PEBP4: variants seen among roughly 807,000 people sequenced by gnomAD.
PEBP4 encodes the protein phosphatidylethanolamine binding protein 4.
In PEBP4, 22 loss-of-function variants were observed where a neutral mutation model predicts 23.9. The ratio of observed to expected loss-of-function variants is 0.92; its 90% CI spans 0.66 to 1.31. PEBP4 has a LOEUF of 1.31. Among genes scored for constraint, PEBP4 ranks in the 40% most tolerant of loss-of-function variants. The probability of loss-of-function intolerance (pLI) is 0.00; values close to 1 mark genes in which losing one functional copy is unlikely to be tolerated. For synonymous variants in PEBP4, 112 were observed against 99.3 expected (o/e 1.13, Z -0.76); for missense variants, 324 against 281.7 (o/e 1.15, Z -1.07).
rs184909770 is a variant in PEBP4, at chr8:22,733,050, G to A, written c.358-5830C>T. On this transcript the variant is annotated intron_variant, in intron 4 of 6. Coordinates refer to ENST00000256404, the MANE Select transcript of PEBP4 (RefSeq NM_144962.3). ...TGGAAGCCAGGGGTCTATCCCCACC[G>A]CTATTGCCTTGCATTTGTAACAGGC... 1.3e-3 allele frequency among the ~76,000 whole-genome samples: 194 copies of A among 152,310 alleles called. 1 individual carries two copies. The highest frequency in any genetic ancestry group is 4.4e-3 in the African/African-American group (182 of 41,562).
chr8:22,780,397 G>A (rs1206572199), intron 4 of PEBP4, among the ~76,000 whole-genome samples: 2 of 152,058 alleles, frequency 1.3e-5, no homozygotes, highest in Non-Finnish European at 2.9e-5. Flanking sequence ...GGAGTAGCTC[G>A]TACCTTGAGG....
At chr8:22,835,173 A>G (rs1411395568) in intron 3 of PEBP4, among the ~76,000 whole-genome samples, 3 of 152,194 alleles carry the variant, frequency 2.0e-5, no homozygotes, top group African/African-American at 4.8e-5. Context: ...TCACTAAGGT[A>G]TAGTTTACTG....
At chr8:22,726,513 T>G (rs1804625828) in intron 5 of PEBP4, among the ~76,000 whole-genome samples, 1 of 152,230 alleles carries the variant, frequency 6.6e-6, no homozygotes. Flanking sequence ...GAATCCCCTC[T>G]TCAAAACCTC....
intron 3 of PEBP4, among the ~76,000 whole-genome samples, chr8:22,823,398 T>C (rs1320575476): frequency 6.6e-6 from 1 of 151,954 alleles, no homozygotes; most frequent in Non-Finnish European, 1.5e-5. Flanking sequence ...TAATATTAAA[T>C]TTATGCAATG....
chr8:22,917,415 T>C (rs1210231829), intron 3 of PEBP4, among the ~76,000 whole-genome samples: 6 of 152,074 alleles, frequency 3.9e-5, no homozygotes, highest in Non-Finnish European at 8.8e-5. Context: ...GAACTATCCT[T>C]CCTGCCCACC....
At chr8:22,863,998 C>G (rs777222549) in intron 3 of PEBP4, among the ~76,000 whole-genome samples, 1 of 152,320 alleles carries the variant, frequency 6.6e-6, no homozygotes, top group Non-Finnish European at 1.5e-5. Context: ...ATCAAGCCTA[C>G]CCTCCTCACA....
chr8:22,859,174 C>T (rs375701072), intron 3 of PEBP4, among the ~76,000 whole-genome samples: 9 of 152,296 alleles, frequency 5.9e-5, no homozygotes, highest in East Asian at 3.9e-4. Context: ...AAGCAAACTA[C>T]GGCAGCACCT....
intron 4 of PEBP4, among the ~76,000 whole-genome samples, chr8:22,732,080 G>C (rs1355673505): frequency 6.6e-6 from 1 of 152,102 alleles, no homozygotes; most frequent in Non-Finnish European, 1.5e-5. Flanking sequence ...GCCCAGGATG[G>C]GTTTTTCAGG....
At chr8:22,835,694 T>C (rs1807189048) in intron 3 of PEBP4, among the ~76,000 whole-genome samples, 1 of 152,262 alleles carries the variant, frequency 6.6e-6, no homozygotes, top group East Asian at 1.9e-4. Context: ...ATGCAGTTCA[T>C]TCTGGTACAG....
At chr8:22,837,447 C>T (rs114679126) in intron 3 of PEBP4, among the ~76,000 whole-genome samples, 462 of 152,302 alleles carry the variant, frequency 3.0e-3, no homozygotes, top group African/African-American at 0.011. Flanking sequence ...GTAGAATTGG[C>T]GTTTGCAAGC....
intron 3 of PEBP4, among the ~76,000 whole-genome samples, chr8:22,835,868 C>T (rs1807195812): frequency 6.6e-6 from 1 of 152,258 alleles, no homozygotes; most frequent in South Asian, 2.1e-4. Context: ...ACCGGCTCTT[C>T]AGGCAAAAGG....
intron 4 of PEBP4, among the ~76,000 whole-genome samples, chr8:22,807,639 A>C (rs1806525896): frequency 6.6e-6 from 1 of 152,078 alleles, no homozygotes; most frequent in African/African-American, 2.4e-5. Flanking sequence ...TCAAATGTTG[A>C]GCTTTTAATT....
chr8:22,749,850 A>G (rs1805214397), intron 4 of PEBP4, among the ~76,000 whole-genome samples: 2 of 112,292 alleles, frequency 1.8e-5, no homozygotes, highest in Admixed American at 2.6e-4. Flanking sequence ...CTTGTTGCCC[A>G]GCCTGGAATG....
chr8:22,854,582 G>A (rs988534117), intron 3 of PEBP4, among the ~76,000 whole-genome samples: 1 of 152,154 alleles, frequency 6.6e-6, no homozygotes, highest in Non-Finnish European at 1.5e-5. Flanking sequence ...GGCAATGAGG[G>A]AGCAAAGGAG....
At chr8:22,902,185 C>T (rs957112106) in intron 3 of PEBP4, among the ~76,000 whole-genome samples, 8 of 151,956 alleles carry the variant, frequency 5.3e-5, no homozygotes, top group East Asian at 1.9e-4. Flanking sequence ...AAAAATTAGC[C>T]GGGCTTGGTG....
chr8:22,910,397 T>C (rs1440557884), intron 3 of PEBP4, among the ~76,000 whole-genome samples: 2 of 152,250 alleles, frequency 1.3e-5, no homozygotes, highest in Non-Finnish European at 2.9e-5. Flanking sequence ...CTTGCTGGTC[T>C]CCCAAGCATA....
chr8:22,750,919 A>G (rs754508418), intron 4 of PEBP4, among the ~76,000 whole-genome samples: 1 of 152,184 alleles, frequency 6.6e-6, no homozygotes, highest in Non-Finnish European at 1.5e-5. Flanking sequence ...AGATGCATGG[A>G]TAGGGGGAGA....
At chr8:22,729,044 C>A (rs907679129) in intron 4 of PEBP4, among the ~76,000 whole-genome samples, 12 of 152,238 alleles carry the variant, frequency 7.9e-5, no homozygotes, top group Admixed American at 2.6e-4. Flanking sequence ...GCACAGTCCC[C>A]CAACTCCCCG....
rs77785635 is a variant in PEBP4 at position 22,798,657 on chromosome 8, T to G, written c.357+18980A>C. The G allele has an allele frequency of 9.8e-3, 1,490 of 152,216 alleles. 25 individuals carry two copies. Among genetic ancestry groups the G allele is most frequent in the South Asian group, 0.067 (319 of 4,768 alleles). 9.4% of individuals were successfully genotyped at this position (152,216 alleles called of 1,614,324 possible). A position where few individuals can be genotyped will look rare whatever the true frequency, so the allele number is the denominator to read the frequency against. On this transcript the variant is annotated intron_variant, in intron 4 of 6. Transcript: ENST00000256404. ...CTCGGGAACCGTGAGTAATAAACTT[T>G]CTTCAATGGCATTGATCTCCCTGTG...
Sources: allele counts gnomAD v4.1 joint callset (sites outside exome capture counted in the v4.1 genomes callset), GRCh38; gene constraint gnomAD v4.1.1; transcripts MANE v1.5; gene names NCBI Gene and HGNC (gene_info 2026-07-23, HGNC 2026-07-21).